Variants in DYNC1I1 observed in about 807,000 individuals in gnomAD.
The protein encoded by DYNC1I1 is dynein cytoplasmic 1 intermediate chain 1, also known as cytoplasmic dynein 1 intermediate chain 1.
Under a neutral mutation model 86.6 loss-of-function variants are expected in DYNC1I1, and 43 were observed. The observed-to-expected ratio is 0.50, with a 90% CI of 0.39 to 0.64. The LOEUF is 0.64. Among genes scored for constraint, DYNC1I1 ranks in the 30% least tolerant of loss-of-function variants. DYNC1I1 has a pLI of 0.00. For synonymous variants in DYNC1I1, 262 were observed against 283.7 expected (o/e 0.92, Z 0.77); for missense variants, 604 against 788.8 (o/e 0.77, Z 2.81).
At chr7:95,905,959 G>T (rs1260689001) in intron 6 of DYNC1I1, among the ~76,000 whole-genome samples, 1 of 151,966 alleles carries the variant, frequency 6.6e-6, no homozygotes, top group African/African-American at 2.4e-5. Flanking sequence ...TCTCCAATTG[G>T]CTTGGATGCT....
intron 4 of DYNC1I1, among the ~76,000 whole-genome samples, chr7:95,819,687 GAGAGATTGAC>G (rs1182613684): frequency 6.6e-6 from 1 of 152,134 alleles, no homozygotes; most frequent in Non-Finnish European, 1.5e-5. Flanking sequence ...ATTATATAAA[GAGAGATTGAC>G]AGGATGCTAC....
chr7:96,068,970 A>AT (rs1790077755), intron 14 of DYNC1I1, among the ~76,000 whole-genome samples: 1 of 152,188 alleles, frequency 6.6e-6, no homozygotes, highest in Non-Finnish European at 1.5e-5. Flanking sequence ...AATAAGCAAA[A>AT]TAAGTCAAGC....
At chr7:95,880,397 G>A (rs963153523) in intron 6 of DYNC1I1, among the ~76,000 whole-genome samples, 8 of 152,056 alleles carry the variant, frequency 5.3e-5, no homozygotes, top group Non-Finnish European at 8.8e-5. Context: ...CAATTGGTAG[G>A]TTTGGATAAA....
intron 6 of DYNC1I1, among the ~76,000 whole-genome samples, chr7:95,943,780 T>C (rs369903419): frequency 0.079 from 11,981 of 151,144 alleles, 949 homozygotes; most frequent in African/African-American, 0.21. Flanking sequence ...GGGAAAGGAT[T>C]CCCTATTTAA....
chr7:95,816,014 ATT>A (rs11458012), intron 4 of DYNC1I1, among the ~76,000 whole-genome samples: 4 of 147,176 alleles, frequency 2.7e-5, no homozygotes, highest in Non-Finnish European at 4.5e-5. Flanking sequence ...CCTCTTATTG[ATT>A]TTTTTTTTTT....
chr7:96,068,056 T>C (rs962664779), intron 14 of DYNC1I1, among the ~76,000 whole-genome samples: 1 of 152,178 alleles, frequency 6.6e-6, no homozygotes, highest in African/African-American at 2.4e-5. Flanking sequence ...ACCAAACCAA[T>C]GTGGGTCCAT....
At chr7:96,013,971 CT>C (rs1794342001) in intron 10 of DYNC1I1, among the ~76,000 whole-genome samples, 1 of 152,156 alleles carries the variant, frequency 6.6e-6, no homozygotes. Context: ...GATCTTTCCA[CT>C]ACGTCTGTAT....
At chr7:96,005,909 G>A in intron 10 of DYNC1I1, among the ~76,000 whole-genome samples, 1 of 152,164 alleles carries the variant, frequency 6.6e-6, no homozygotes, top group East Asian at 1.9e-4. Context: ...CACATTTTGA[G>A]CATTTTTCCA....
chr7:96,075,385 G>A (rs967714140), intron 14 of DYNC1I1, among the ~76,000 whole-genome samples: 1 of 152,098 alleles, frequency 6.6e-6, no homozygotes, highest in African/African-American at 2.4e-5. Flanking sequence ...GAGGTTCAGG[G>A]GCACTTCAAT....
intron 6 of DYNC1I1, among the ~76,000 whole-genome samples, chr7:95,968,302 A>G (rs955235375): frequency 2.0e-5 from 3 of 152,168 alleles, no homozygotes; most frequent in Admixed American, 1.3e-4. Context: ...AATGCTAGAG[A>G]ACATGTACTA....
In DYNC1I1 at chr7:96,097,671, C is replaced by A; in HGVS notation, c.*78C>A. The A allele has an allele frequency of 6.3e-7, 1 of 1,581,864 alleles. No individual in the cohort carries two copies. The highest frequency in any genetic ancestry group is 1.8e-5 in the Admixed American group (1 of 55,464). ...CGTCTGCAGTCAAGTCTCTTGTATT[C>A]GGTGTCCATTCAGTATCAGTATTGC... On this transcript the variant is annotated 3_prime_UTR_variant, in exon 17 of 17. Coordinates refer to ENST00000447467, the MANE Select transcript of DYNC1I1 (RefSeq NM_001135556.2).
At chr7:95,774,834 C>A (rs1230285594) in intron 1 of DYNC1I1, among the ~76,000 whole-genome samples, 1 of 152,156 alleles carries the variant, frequency 6.6e-6, no homozygotes, top group Non-Finnish European at 1.5e-5. Flanking sequence ...ATCTAGGTAC[C>A]CCTCTTAGTA....
chr7:96,106,792 C>T (rs184145849), intron 16 of DYNC1I1, among the ~76,000 whole-genome samples: 1 of 152,200 alleles, frequency 6.6e-6, no homozygotes, highest in African/African-American at 2.4e-5. Flanking sequence ...ATGAAATAAC[C>T]TGTATTTCAA....
At chr7:95,967,515 C>A (rs909677532) in intron 6 of DYNC1I1, among the ~76,000 whole-genome samples, 2 of 152,166 alleles carry the variant, frequency 1.3e-5, no homozygotes, top group African/African-American at 4.8e-5. Flanking sequence ...TGATCCCTCA[C>A]TTCCTTGAGT....
chr7:96,059,399 G>A (rs544606124), intron 14 of DYNC1I1, among the ~76,000 whole-genome samples: 3 of 152,152 alleles, frequency 2.0e-5, no homozygotes, highest in Non-Finnish European at 4.4e-5. Context: ...AACAAGAAAG[G>A]AGTGTAGTCT....
chr7:96,083,028 T>A (rs1790570182), intron 16 of DYNC1I1, among the ~76,000 whole-genome samples: 1 of 151,968 alleles, frequency 6.6e-6, no homozygotes, highest in Non-Finnish European at 1.5e-5. Context: ...TATAGAAAAA[T>A]CTCTGTGACA....
At chr7:95,900,240 C>T (rs1177326066) in intron 6 of DYNC1I1, among the ~76,000 whole-genome samples, 1 of 152,156 alleles carries the variant, frequency 6.6e-6, no homozygotes, top group Non-Finnish European at 1.5e-5. Context: ...AATTTCCCTT[C>T]CCCTTTAATT....
downstream of DYNC1I1, among the ~76,000 whole-genome samples, chr7:96,099,262 A>G (rs1563005663): frequency 6.6e-6 from 1 of 152,208 alleles, no homozygotes; most frequent in Admixed American, 6.5e-5. Context: ...TTACAAGAAC[A>G]TGTGTTCTTA....
At chr7:95,842,050 G>A (rs1010921786) in intron 5 of DYNC1I1, among the ~76,000 whole-genome samples, 4 of 152,154 alleles carry the variant, frequency 2.6e-5, no homozygotes, top group Non-Finnish European at 4.4e-5. Flanking sequence ...TTGTGTGTAC[G>A]GTTCAAACCC....
Sources: allele counts gnomAD v4.1 joint callset (sites outside exome capture counted in the v4.1 genomes callset), GRCh38; gene constraint gnomAD v4.1.1; transcripts MANE v1.5; gene names NCBI Gene and HGNC (gene_info 2026-07-23, HGNC 2026-07-21).